The following RXFP1 variants were observed in gnomAD, a reference collection of about 807,000 sequenced individuals.
RXFP1 encodes relaxin family peptide receptor 1, also known as relaxin receptor 1.
RXFP1 carries 73 observed loss-of-function variants against 89.8 expected under a neutral mutation model. The ratio of observed to expected loss-of-function variants is 0.81; its 90% CI spans 0.67 to 0.99. The LOEUF is 0.99. Ranked by LOEUF, RXFP1 falls within the 50% of genes least tolerant of loss-of-function variation. The probability of loss-of-function intolerance (pLI) is 0.00; values close to 1 mark genes in which losing one functional copy is unlikely to be tolerated. For missense variants in RXFP1, 793 were observed against 895.5 expected (o/e 0.89, Z 1.46); for synonymous variants, 277 against 305.5 (o/e 0.91, Z 0.97).
intron 9 of RXFP1, among the ~76,000 whole-genome samples, chr4:158,625,538 C>T (rs1452620291): frequency 6.6e-6 from 1 of 152,054 alleles, no homozygotes; most frequent in Non-Finnish European, 1.5e-5. Flanking sequence ...AAATATATCT[C>T]TCATTTTGTT....
intron 13 of RXFP1, among the ~76,000 whole-genome samples, chr4:158,638,459 C>CCA (rs996842306): frequency 2.0e-5 from 3 of 151,804 alleles, no homozygotes; most frequent in South Asian, 2.1e-4. Context: ...CTTACTTGTA[C>CCA]CACACACACA....
chr4:158,650,807 T>A (rs1000215903), intron 17 of RXFP1, among the ~76,000 whole-genome samples: 1 of 152,172 alleles, frequency 6.6e-6, no homozygotes, highest in African/African-American at 2.4e-5. Flanking sequence ...TACATAATTT[T>A]AATTGTGTTC....
At position 158,644,922 on chromosome 4, in the gene RXFP1, T is replaced by G. The variant is rs764616585; in HGVS notation, c.1129T>G (p.Phe377Val). ...TTTGTACACCAGATATTTTAAGAAATTCCAGTACTGTGGGTATGCACCACA... is the reference window on the plus strand; with the variant it reads ...TTTGTACACCAGATATTTTAAGAAAGTCCAGTACTGTGGGTATGCACCACA... The part of the protein sequence containing the change: ...MNLSHIYFKK[F>V]QYCGYAPHVR... Residue 377 changes from phenylalanine to valine, a missense_variant, in exon 15 of 18, where the codon TTC becomes GTC. Phe to Val is a conservative substitution (Grantham distance 50). Transcript: ENST00000307765. 6 of 1,612,672 alleles carry G rather than the reference T, an allele frequency of 3.7e-6. No homozygotes were observed. The highest frequency in any genetic ancestry group is 5.1e-6 in the Non-Finnish European group (6 of 1,178,950).
At chr4:158,552,987 C>A (rs1009553032) in intron 1 of RXFP1, among the ~76,000 whole-genome samples, 2 of 152,068 alleles carry the variant, frequency 1.3e-5, no homozygotes, top group Non-Finnish European at 2.9e-5. Flanking sequence ...GAGTTTGAGA[C>A]CAGCCTAGAC....
At chr4:158,545,779 T>G (rs992307365) in intron 1 of RXFP1, among the ~76,000 whole-genome samples, 1 of 152,198 alleles carries the variant, frequency 6.6e-6, no homozygotes, top group Non-Finnish European at 1.5e-5. Context: ...GCATTATTTC[T>G]GAGGGCTCTG....
chr4:158,620,475 T>G (rs1765417268), intron 9 of RXFP1, among the ~76,000 whole-genome samples: 1 of 152,030 alleles, frequency 6.6e-6, no homozygotes, highest in Admixed American at 6.6e-5. Context: ...GAAAAATCCA[T>G]GCAGAAGTCA....
At chr4:158,538,876 A>G (rs2149819691) in intron 1 of RXFP1, among the ~76,000 whole-genome samples, 1 of 152,280 alleles carries the variant, frequency 6.6e-6, no homozygotes, top group South Asian at 2.1e-4. Context: ...AAATAATTCA[A>G]TTCTAAAAGA....
chr4:158,603,403 G>C (rs1200244805), intron 4 of RXFP1, among the ~76,000 whole-genome samples: 2 of 152,216 alleles, frequency 1.3e-5, no homozygotes, highest in African/African-American at 4.8e-5. Context: ...GCCAGCAACT[G>C]AGAGTAGTTT....
rs542936297 is a variant in RXFP1 at position 158,617,185 on chromosome 4, C to T, written c.735C>T (p.His245=). 3.7e-6 allele frequency: 6 copies of T among 1,610,476 alleles called. No homozygotes were observed. Among genetic ancestry groups the T allele is most frequent in the South Asian group, 1.1e-5 (1 of 90,618 alleles). The change falls in exon 9 of 18, where the codon CAC becomes CAT. Residue 245 remains histidine (H), a synonymous_variant. Coordinates refer to ENST00000307765, the MANE Select transcript of RXFP1 (RefSeq NM_021634.4). ...TACCTGATAAACCTCTCTGTCAACA[C>T]ATGCCAAGACTACATTGGCTGTAAG... ...TRLPDKPLCQ[H]MPRLHWLDLE...
At chr4:158,626,499 G>A (rs1024294225) in intron 9 of RXFP1, among the ~76,000 whole-genome samples, 15 of 152,042 alleles carry the variant, frequency 9.9e-5, no homozygotes, top group Admixed American at 3.3e-4. Flanking sequence ...ATGAAATATC[G>A]GTTAATAAAT....
In RXFP1 at chr4:158,534,996, A is replaced by G. The variant is rs557943162; in HGVS notation, c.49+12971A>G. Among the ~76,000 whole-genome samples the G allele has an allele frequency of 4.0e-5, 6 of 149,016 alleles. No individual in the cohort carries two copies. In the East Asian group the frequency reaches 5.8e-4, roughly 14 times the overall value. The stretch of plus-strand genomic sequence containing the variant: ...ATATAAAATTATTTATAATTATATA[A>G]TATTTTATCATTTATTATATCTCAT... On this transcript the variant is annotated intron_variant, in intron 1 of 17. Coordinates refer to ENST00000307765, the MANE Select transcript of RXFP1 (RefSeq NM_021634.4).
At chr4:158,546,358 A>C (rs1451592481) in intron 1 of RXFP1, among the ~76,000 whole-genome samples, 1 of 152,052 alleles carries the variant, frequency 6.6e-6, no homozygotes, top group Admixed American at 6.6e-5. Flanking sequence ...GGGCTGAGAC[A>C]ATGGGGTTTT....
At chr4:158,609,121 C>T (rs1428927045) in intron 6 of RXFP1, among the ~76,000 whole-genome samples, 2 of 152,174 alleles carry the variant, frequency 1.3e-5, no homozygotes, top group Non-Finnish European at 2.9e-5. Flanking sequence ...CTGTTTGGGT[C>T]CCCACTTTCA....
intron 2 of RXFP1, among the ~76,000 whole-genome samples, chr4:158,580,193 C>G (rs1757065282): frequency 6.6e-6 from 1 of 152,138 alleles, no homozygotes. Flanking sequence ...CCTTACTTCC[C>G]AGCTACCTGG....
At position 158,647,177 on chromosome 4, in the gene RXFP1, A is replaced by T. The variant is rs780425623; in HGVS notation, c.1732A>T (p.Ile578Phe). The change falls in exon 16 of 18, where the codon ATT becomes TTT. Residue 578 changes from isoleucine to phenylalanine, a missense_variant. Physicochemically the swap from Ile to Phe is conservative, Grantham distance 21. Coordinates refer to ENST00000307765, the MANE Select transcript of RXFP1 (RefSeq NM_021634.4). ...AGATACAGAAAGTATTGGAGCCCAG[A>T]TTTATTCAGTGGCAATTTTTCTTGG... ...SEDTESIGAQ[I>F]YSVAIFLGIN... The T allele has an allele frequency of 4.4e-5, 69 of 1,573,398 alleles. No individual in the cohort carries two copies. Among genetic ancestry groups the T allele is most frequent in the Non-Finnish European group, 4.9e-5 (57 of 1,162,832 alleles).
chr4:158,644,134 C>A (rs1419842069), intron 14 of RXFP1, among the ~76,000 whole-genome samples: 4 of 149,178 alleles, frequency 2.7e-5, no homozygotes, highest in Non-Finnish European at 5.9e-5. Context: ...GCAAGCTCCG[C>A]CTCCCAGGTT....
intron 8 of RXFP1, among the ~76,000 whole-genome samples, chr4:158,615,600 T>C (rs1459781929): frequency 6.6e-6 from 1 of 151,656 alleles, no homozygotes; most frequent in Non-Finnish European, 1.5e-5. Flanking sequence ...ACTACTGCGA[T>C]AGTAACATCA....
intron 2 of RXFP1, among the ~76,000 whole-genome samples, chr4:158,575,501 G>A (rs1184295321): frequency 6.6e-6 from 1 of 152,176 alleles, no homozygotes; most frequent in East Asian, 1.9e-4. Flanking sequence ...CTATCCCCCA[G>A]TGTGATAGGA....
At chr4:158,637,634 A>G (rs1769458073) in intron 12 of RXFP1, among the ~76,000 whole-genome samples, 1 of 152,124 alleles carries the variant, frequency 6.6e-6, no homozygotes, top group Admixed American at 6.6e-5. Context: ...TTGGGTATTA[A>G]CCACTTACCA....
Sources: gnomAD v4.1 joint callset for allele counts (sites outside exome capture counted in the v4.1 genomes callset) on GRCh38, gnomAD v4.1.1 for gene constraint, MANE v1.5 for transcripts, NCBI Gene and HGNC (gene_info 2026-07-23, HGNC 2026-07-21) for gene names.